The following ZNF385D variants were observed in gnomAD, a reference collection of about 807,000 sequenced individuals.
The protein encoded by ZNF385D is zinc finger protein 659.
Under a neutral mutation model 35.8 loss-of-function variants are expected in ZNF385D, and 15 were observed. The observed-to-expected ratio is 0.42, with a 90% CI of 0.28 to 0.64. The LOEUF (loss-of-function observed/expected upper bound fraction) is 0.64, where lower values mean the gene tolerates loss of function less well. ZNF385D is among the 30% of genes least tolerant of loss of function. The probability of loss-of-function intolerance (pLI) is 0.23; values close to 1 mark genes in which losing one functional copy is unlikely to be tolerated. For missense variants in ZNF385D, 474 were observed against 494.6 expected, an observed-to-expected ratio of 0.96 and a Z score of 0.39; for synonymous variants, 212 against 186.8, an observed-to-expected ratio of 1.13 and a Z score of -1.10.
At chr3:21,681,562 C>A (rs1559513831) in intron 1 of ZNF385D, among the ~76,000 whole-genome samples, 1 of 151,140 alleles carries the variant, frequency 6.6e-6, no homozygotes. Context: ...ACCAAAAGCA[C>A]AAATATACAT....
chr3:21,618,006 T>C (rs550942820), intron 2 of ZNF385D, among the ~76,000 whole-genome samples: 2 of 152,328 alleles, frequency 1.3e-5, no homozygotes, highest in African/African-American at 2.4e-5. Context: ...AGATTCCTGG[T>C]ACAATTATTT....
rs2066910736 is a variant in ZNF385D at position 21,681,643 on chromosome 3, A to AT, written c.23-16616dup. ...AGAGCTGCATATATTTGGAACACAA[A>AT]TGTACACACATGCATTTTCTAAAAG... On this transcript the variant is annotated intron_variant, in intron 1 of 7. Transcript: ENST00000281523. Among the ~76,000 whole-genome samples, 10 of 150,564 alleles carry AT rather than the reference A, an allele frequency of 6.6e-5. No individual in the cohort carries two copies. The South Asian group carries it at 2.1e-3, about 32-fold the overall frequency.
At chr3:22,019,034 CTTTTTTT>C (rs11380195) in intron 3 of ZNF385D, among the ~76,000 whole-genome samples, 9 of 64,460 alleles carry the variant, frequency 1.4e-4, no homozygotes, top group Non-Finnish European at 2.0e-4. Context: ...AGTTATTTAC[CTTTTTTT>C]TTTTTTTTTT....
intron 2 of ZNF385D, among the ~76,000 whole-genome samples, chr3:22,333,450 T>C (rs1428592441): frequency 6.6e-6 from 1 of 151,190 alleles, no homozygotes; most frequent in African/African-American, 2.5e-5. Context: ...CTGTAATGCT[T>C]TGTTCATTTT....
intron 2 of ZNF385D, among the ~76,000 whole-genome samples, chr3:22,344,271 A>G (rs1183080437): frequency 6.6e-6 from 1 of 152,012 alleles, no homozygotes; most frequent in Non-Finnish European, 1.5e-5. Context: ...CAGACTGGAT[A>G]AAATTTCATC....
At chr3:21,438,383 C>G (rs1701681006) in intron 4 of ZNF385D, among the ~76,000 whole-genome samples, 1 of 152,048 alleles carries the variant, frequency 6.6e-6, no homozygotes, top group African/African-American at 2.4e-5. Flanking sequence ...AGAGACTTGG[C>G]CAGGATGTAA....
intron 3 of ZNF385D, among the ~76,000 whole-genome samples, chr3:21,974,508 C>G (rs1181940850): frequency 6.6e-6 from 1 of 152,024 alleles, no homozygotes; most frequent in Admixed American, 6.6e-5. Context: ...GGGCATTGGT[C>G]TGGGCAAAGA....
chr3:21,907,683 C>T (rs1699749367), intron 3 of ZNF385D, among the ~76,000 whole-genome samples: 1 of 152,106 alleles, frequency 6.6e-6, no homozygotes, highest in South Asian at 2.1e-4. Context: ...AAAGGTTACT[C>T]ATCCACCAGT....
chr3:22,001,758 A>C (rs1179373257), intron 3 of ZNF385D, among the ~76,000 whole-genome samples: 1 of 152,052 alleles, frequency 6.6e-6, no homozygotes, highest in East Asian at 1.9e-4. Context: ...AAAAATCTAA[A>C]TCCTATAAAG....
In ZNF385D at chr3:21,511,298, C is replaced by T. The variant is rs148349283; in HGVS notation, c.277-275G>A. The stretch of plus-strand genomic sequence containing the variant: ...ATCAACAACATTTTCTTTGTGGGAG[C>T]GGGGAAAAAAAATAAGAATTTACAC... On this transcript the variant is annotated intron_variant, in intron 3 of 7. Transcript: ENST00000281523. Among the ~76,000 whole-genome samples, 390 of 151,680 alleles carry T rather than the reference C, an allele frequency of 2.6e-3. 2 individuals are homozygous for T. The highest frequency in any genetic ancestry group is 8.9e-3 in the African/African-American group (370 of 41,362).
At chr3:21,802,584 A>G (rs894650075) in intron 3 of ZNF385D, among the ~76,000 whole-genome samples, 17 of 152,178 alleles carry the variant, frequency 1.1e-4, no homozygotes, top group Admixed American at 3.9e-4. Context: ...AATGTAAACT[A>G]TATGTGCATA....
intron 4 of ZNF385D, among the ~76,000 whole-genome samples, chr3:21,497,529 G>T (rs1705999548): frequency 6.6e-6 from 1 of 151,974 alleles, no homozygotes; most frequent in African/African-American, 2.4e-5. Flanking sequence ...ACTCTTCACA[G>T]AATTATTTAA....
chr3:21,765,995 C>T (rs1382852138), intron 3 of ZNF385D, among the ~76,000 whole-genome samples: 1 of 151,938 alleles, frequency 6.6e-6, no homozygotes, highest in African/African-American at 2.4e-5. Flanking sequence ...TGTATACCAG[C>T]TTTTTGACTA....
intron 3 of ZNF385D, among the ~76,000 whole-genome samples, chr3:22,106,015 A>G (rs1226112810): frequency 1.3e-5 from 2 of 152,176 alleles, no homozygotes; most frequent in East Asian, 1.9e-4. Context: ...TTTAGTAAAT[A>G]CAGTAGTATC....
At chr3:21,845,741 T>C (rs1182510893) in intron 3 of ZNF385D, among the ~76,000 whole-genome samples, 1 of 151,954 alleles carries the variant, frequency 6.6e-6, no homozygotes, top group Non-Finnish European at 1.5e-5. Flanking sequence ...AAAGTCTTGA[T>C]TACTAGAAAT....
Position 21,556,069 on chromosome 3 carries a change from T to A in ZNF385D, c.276+8505A>T, listed in dbSNP as rs1215149630. On this transcript the variant is annotated intron_variant, in intron 3 of 7. Coordinates refer to ENST00000281523, the MANE Select transcript of ZNF385D (RefSeq NM_024697.3). Reference sequence around the variant, plus strand: ...CTTTTTGACGTTTTTTTTGTTTTTGTTTTTTTTTTTTTTTTTTTGTAAATT... The same window carrying A: ...CTTTTTGACGTTTTTTTTGTTTTTGATTTTTTTTTTTTTTTTTTGTAAATT... 7.9e-5 allele frequency among the ~76,000 whole-genome samples: 3 copies of A among 37,882 alleles called. No homozygotes were observed. The South Asian group carries it at 1.7e-3, about 22-fold the overall frequency. 24.9% of individuals were successfully genotyped at this position (37,882 alleles called of 152,430 possible).
chr3:22,119,437 G>A (rs1427664587), intron 3 of ZNF385D, among the ~76,000 whole-genome samples: 1 of 151,988 alleles, frequency 6.6e-6, no homozygotes, highest in Non-Finnish European at 1.5e-5. Flanking sequence ...ATTTGTTGGG[G>A]GGAATATGCT....
chr3:22,049,627 T>A (rs922194986), intron 3 of ZNF385D, among the ~76,000 whole-genome samples: 1 of 152,178 alleles, frequency 6.6e-6, no homozygotes, highest in Admixed American at 6.5e-5. Flanking sequence ...AAAATTTAGT[T>A]TGATGTTATT....
intron 2 of ZNF385D, among the ~76,000 whole-genome samples, chr3:22,279,193 T>C (rs905716287): frequency 1.3e-5 from 2 of 152,048 alleles, no homozygotes; most frequent in Admixed American, 1.3e-4. Flanking sequence ...TTCTGAGATC[T>C]TGGTGTACTC....
Sources: allele counts gnomAD v4.1 joint callset (sites outside exome capture counted in the v4.1 genomes callset), GRCh38; gene constraint gnomAD v4.1.1; transcripts MANE v1.5; gene names NCBI Gene and HGNC (gene_info 2026-07-23, HGNC 2026-07-21).